Variants in KAT14 observed in about 807,000 individuals in gnomAD.
The protein encoded by KAT14 is cysteine-rich protein 2-binding protein.
In KAT14, 66 loss-of-function variants were observed where a neutral mutation model predicts 78.4. The ratio of observed to expected loss-of-function variants is 0.84; its 90% confidence interval spans 0.69 to 1.03. The LOEUF (loss-of-function observed/expected upper bound fraction) is 1.03. KAT14 is among the 50% of genes least tolerant of loss of function. The pLI is 0.00. For missense variants in KAT14, 870 were observed against 972.5 expected (o/e 0.89, Z 1.40); for synonymous variants, 344 against 359.4 (o/e 0.96, Z 0.48).
intron 10 of KAT14, 44 bp downstream of exon 10, chr20:18,184,836 C>G (rs1229919751): frequency 9.0e-6 from 14 of 1,549,962 alleles, no homozygotes; most frequent in Non-Finnish European, 1.2e-5. Context: ...GTCTGGGCTC[C>G]CCTGAACAAC....
intron 7 of KAT14, among the ~76,000 whole-genome samples, chr20:18,174,059 A>C (rs1370746317): frequency 1.3e-5 from 2 of 152,214 alleles, no homozygotes; most frequent in African/African-American, 4.8e-5. Flanking sequence ...ATTTCACATA[A>C]ATGGAGTCAT....
intron 4 of KAT14, among the ~76,000 whole-genome samples, chr20:18,157,317 G>A (rs1332161978): frequency 1.3e-5 from 2 of 152,146 alleles, no homozygotes; most frequent in Non-Finnish European, 2.9e-5. Context: ...CCAGGCACAA[G>A]TGATCCTCCC....
In KAT14 at chr20:18,183,200, A is replaced by G. The variant is rs922380566; in HGVS notation, c.1883A>G (p.His628Arg). The G allele has an allele frequency of 6.2e-7, 1 of 1,613,916 alleles. No homozygotes were observed. The highest frequency in any genetic ancestry group is 8.5e-7 in the Non-Finnish European group (1 of 1,179,984). ...TCCCACCTGCACAGGAGCGACCCTC[A>G]CTGGACGCCGGAGCCCGACGCACCT... ...IRSHLHRSDP[H>R]WTPEPDAPLD... The change falls in exon 9 of 11, where the codon CAC becomes CGC. Residue 628 changes from histidine to arginine, a missense_variant. Transcript: ENST00000688188.
intron 1 of KAT14, among the ~76,000 whole-genome samples, chr20:18,141,048 T>TTTTA (rs2037549552): frequency 3.1e-5 from 1 of 32,084 alleles, no homozygotes; most frequent in African/African-American, 1.0e-4. Flanking sequence ...TTTTTTTTTA[T>TTTTA]TTTTATTTTT....
chr20:18,137,873 A>C lies in KAT14; in HGVS notation c.-632A>C, dbSNP rs2146308396. ...TGCGCTCGAGGGGTCGAGCCTGGGC[A>C]GTACAGGCGGCGGTGCGCACTCTGC... On this transcript the variant is annotated 5_prime_UTR_variant, in exon 1 of 11. Transcript: ENST00000688188. 1.5e-6 allele frequency: 2 copies of C among 1,339,418 alleles called. No homozygotes were observed. The highest frequency in any genetic ancestry group is 3.1e-5 in the East Asian group (1 of 32,704). 83.0% of individuals were successfully genotyped at this position (1,339,418 alleles called of 1,614,324 possible).
rs141295925 is a variant in KAT14, at chr20:18,162,180, G to C, written c.1040G>C (p.Ser347Thr). The change falls in exon 6 of 11, where the codon AGC (serine) becomes ACC (threonine). Residue 347 changes from serine (S) to threonine (T), a missense_variant. Physicochemically the swap from Ser to Thr is moderately conservative, Grantham distance 58 (BLOSUM62 1). Transcript: ENST00000688188. ...CCTGCCTCTCATTCTGCCACACCTAGCTTGCTTTCAGAAGCAGATCTGATT... is the reference window on the plus strand; with the variant it reads ...CCTGCCTCTCATTCTGCCACACCTACCTTGCTTTCAGAAGCAGATCTGATT... ...GTPASHSATP[S>T]LLSEADLIPD... The C allele has an allele frequency of 6.2e-7, 1 of 1,614,150 alleles. No homozygotes were observed. The highest frequency in any genetic ancestry group is 1.3e-5 in the African/African-American group (1 of 75,046).
chr20:18,159,955 C>T (rs564114482), intron 5 of KAT14, among the ~76,000 whole-genome samples: 1 of 152,164 alleles, frequency 6.6e-6, no homozygotes, highest in South Asian at 2.1e-4. Context: ...GCTTTGTTGC[C>T]CAGGCTGGAG....
intron 1 of KAT14, chr20:18,138,532 C>T: frequency 1.1e-6 from 1 of 874,316 alleles, no homozygotes; most frequent in Non-Finnish European, 1.4e-6. Context: ...ATGTGTTTTA[C>T]GTGCTATTGA....
At chr20:18,184,215 T>C (rs1184820672) in intron 9 of KAT14, among the ~76,000 whole-genome samples, 1 of 152,174 alleles carries the variant, frequency 6.6e-6, no homozygotes, top group Admixed American at 6.5e-5. Flanking sequence ...CGGAGGATCT[T>C]TACTTAACCC....
At chr20:18,183,542 G>A (rs926879422) in intron 9 of KAT14, 79 of 984,800 alleles carry the variant, frequency 8.0e-5, no homozygotes, top group Non-Finnish European at 9.4e-5. Context: ...CAGAGTAAAA[G>A]ATTCATCCTG....
chr20:18,185,856 C>T (rs1218266815), intron 10 of KAT14, among the ~76,000 whole-genome samples: 2 of 152,218 alleles, frequency 1.3e-5, no homozygotes, highest in Non-Finnish European at 2.9e-5. Flanking sequence ...GAACCATTTT[C>T]CTAGAAATTG....
intron 1 of KAT14, among the ~76,000 whole-genome samples, chr20:18,139,272 TC>T (rs2037428700): frequency 1.3e-5 from 2 of 152,300 alleles, no homozygotes; most frequent in Admixed American, 6.5e-5. Context: ...GCAGAAGACT[TC>T]CGCCTCTTAC....
At chr20:18,156,937 G>A (rs1380853252) in intron 4 of KAT14, among the ~76,000 whole-genome samples, 2 of 152,180 alleles carry the variant, frequency 1.3e-5, no homozygotes, top group East Asian at 1.9e-4. Flanking sequence ...AACACTGGCC[G>A]ATAATTTTAT....
chr20:18,162,385 G>T lies in KAT14; in HGVS notation c.1108G>T (p.Glu370Ter). ...TTTTGTACTCTGCACAGATGACGATGAGATGGAAGGCGATGGAGTCATAGA... is the reference window on the plus strand; with the variant it reads ...TTTTGTACTCTGCACAGATGACGATTAGATGGAAGGCGATGGAGTCATAGA... Reference protein sequence around the residue: ...PPQALFHDDDEMEGDGVIDPG... With the variant: ...PPQALFHDDD Residue 370 changes from glutamate (E) to a stop codon, truncating the protein, a stop_gained, in exon 7 of 11, where the codon GAG becomes TAG. Coordinates refer to ENST00000688188, the MANE Select transcript of KAT14 (RefSeq NM_001392073.1). LOFTEE classifies it high-confidence loss of function. 6.2e-7 allele frequency: 1 copy of T among 1,611,832 alleles called. No individual in the cohort carries two copies.
chr20:18,181,630 A>G, intron 7 of KAT14, 80 bp from the exon 8 acceptor site: 2 of 1,586,890 alleles, frequency 1.3e-6, no homozygotes, highest in African/African-American at 1.3e-5. Context: ...CAGCTTCCCA[A>G]AGTGTTGGGA....
intron 5 of KAT14, among the ~76,000 whole-genome samples, chr20:18,160,353 C>A (rs1004660750): frequency 1.3e-5 from 2 of 152,216 alleles, no homozygotes; most frequent in African/African-American, 4.8e-5. Context: ...TCAGAAAGAT[C>A]TCTGCAGATT....
intron 3 of KAT14, among the ~76,000 whole-genome samples, chr20:18,146,748 T>C (rs1004935169): frequency 6.6e-6 from 1 of 151,756 alleles, no homozygotes; most frequent in African/African-American, 2.4e-5. Context: ...AGGAGACTGA[T>C]GTGGGAGGGT....
At chr20:18,166,940 C>G (rs1317106858) in intron 7 of KAT14, among the ~76,000 whole-genome samples, 1 of 152,228 alleles carries the variant, frequency 6.6e-6, no homozygotes, top group Non-Finnish European at 1.5e-5. Flanking sequence ...TGAATCTAGT[C>G]AGAGTCCCTG....
Position 18,187,663 on chromosome 20 carries a change from G to A in KAT14, c.*204G>A. On this transcript the variant is annotated 3_prime_UTR_variant, in exon 11 of 11. Coordinates refer to ENST00000688188, the MANE Select transcript of KAT14 (RefSeq NM_001392073.1). ...GCAAAATCGCCCTCCAGTCCTTCCT[G>A]GAGATGCCTTCAGCCAGCATCCCAG... The A allele has an allele frequency of 1.5e-6, 1 of 663,638 alleles. No homozygotes were observed. Among genetic ancestry groups the A allele is most frequent in the Non-Finnish European group, 2.4e-6 (1 of 420,078 alleles). 41.1% of individuals were successfully genotyped at this position (663,638 alleles called of 1,614,324 possible).
Sources: gnomAD v4.1 joint callset for allele counts (sites outside exome capture counted in the v4.1 genomes callset) on GRCh38, gnomAD v4.1.1 for gene constraint, MANE v1.5 for transcripts, NCBI Gene and HGNC (gene_info 2026-07-23, HGNC 2026-07-21) for gene names.